RAPGEF5: variants seen among roughly 807,000 people sequenced by gnomAD.
RAPGEF5 encodes Rap guanine nucleotide exchange factor 5.
A neutral mutation model predicts 125.2 loss-of-function variants in RAPGEF5; 65 were observed. That is an observed-to-expected ratio of 0.52 (90% CI 0.43 to 0.64). RAPGEF5 has a LOEUF of 0.64. Among genes scored for constraint, RAPGEF5 ranks in the 30% least tolerant of loss-of-function variants. RAPGEF5 has a pLI of 0.00. For missense variants in RAPGEF5, 958 were observed against 1,048.1 expected (o/e 0.91, Z 1.19); for synonymous variants, 391 against 385.9 (o/e 1.01, Z -0.16).
intron 9 of RAPGEF5, among the ~76,000 whole-genome samples, chr7:22,200,636 T>C (rs1410273835): frequency 3.3e-5 from 5 of 152,178 alleles, no homozygotes; most frequent in South Asian, 2.1e-4. Context: ...AATAAACATA[T>C]ATTTATTACG....
At chr7:22,237,103 C>T (rs889448690) in intron 7 of RAPGEF5, among the ~76,000 whole-genome samples, 1 of 152,208 alleles carries the variant, frequency 6.6e-6, no homozygotes, top group African/African-American at 2.4e-5. Flanking sequence ...GCTCCCCAGC[C>T]CAAACACCAG....
chr7:22,303,832 C>A (rs533088271), intron 5 of RAPGEF5, among the ~76,000 whole-genome samples: 2 of 152,290 alleles, frequency 1.3e-5, no homozygotes, highest in South Asian at 4.1e-4. Flanking sequence ...GGACTGGAGA[C>A]ATCATGGAAG....
chr7:22,176,093 T>A (rs1784498203), intron 11 of RAPGEF5, among the ~76,000 whole-genome samples: 1 of 152,076 alleles, frequency 6.6e-6, no homozygotes, highest in Non-Finnish European at 1.5e-5. Flanking sequence ...CAGTAGGGGA[T>A]GAAAGAGCAA....
intron 7 of RAPGEF5, among the ~76,000 whole-genome samples, chr7:22,247,216 T>TA (rs1489007583): frequency 6.6e-6 from 1 of 152,220 alleles, no homozygotes; most frequent in African/African-American, 2.4e-5. Flanking sequence ...GACCCAGCAA[T>TA]CCCATTACTG....
intron 11 of RAPGEF5, among the ~76,000 whole-genome samples, chr7:22,169,788 C>T (rs550180093): frequency 4.0e-5 from 5 of 124,960 alleles, no homozygotes; most frequent in Admixed American, 1.0e-4. Flanking sequence ...TGAACTCAGG[C>T]GGTGGAAGTT....
intron 11 of RAPGEF5, among the ~76,000 whole-genome samples, chr7:22,169,211 G>C (rs1051003956): frequency 6.6e-6 from 1 of 152,088 alleles, no homozygotes; most frequent in African/African-American, 2.4e-5. Context: ...AGAGCCAGGG[G>C]CCCCCTACTA....
chr7:22,138,006 T>TATAC (rs1783130185), intron 21 of RAPGEF5, among the ~76,000 whole-genome samples: 3 of 148,446 alleles, frequency 2.0e-5, no homozygotes, highest in African/African-American at 7.5e-5. Flanking sequence ...GTTTGGAAAC[T>TATAC]ACACACACAC....
At chr7:22,304,953 A>C (rs1190097979) in intron 5 of RAPGEF5, among the ~76,000 whole-genome samples, 1 of 152,214 alleles carries the variant, frequency 6.6e-6, no homozygotes, top group Non-Finnish European at 1.5e-5. Context: ...AGTGATGGGA[A>C]ATCCATAATC....
intron 11 of RAPGEF5, among the ~76,000 whole-genome samples, chr7:22,170,449 G>T (rs1235813921): frequency 2.6e-5 from 4 of 152,216 alleles, no homozygotes; most frequent in Admixed American, 6.5e-5. Flanking sequence ...AGCACTGAGA[G>T]GGAGTTGGCA....
chr7:22,249,843 G>A (rs891155236), intron 7 of RAPGEF5, among the ~76,000 whole-genome samples: 3 of 152,092 alleles, frequency 2.0e-5, no homozygotes, highest in East Asian at 1.9e-4. Context: ...GAGGGCTAAC[G>A]GCTGGTTAAA....
chr7:22,309,943 C>T (rs373205996), intron 4 of RAPGEF5, 26 bp downstream of exon 4: 2 of 1,545,104 alleles, frequency 1.3e-6, no homozygotes, highest in South Asian at 1.3e-5. Flanking sequence ...AATAATGATG[C>T]TGTGCCTTCA....
At chr7:22,350,970 C>T (rs1784319166) in intron 1 of RAPGEF5, among the ~76,000 whole-genome samples, 1 of 152,202 alleles carries the variant, frequency 6.6e-6, no homozygotes, top group African/African-American at 2.4e-5. Flanking sequence ...CTGACTCACC[C>T]TTCCTGGCAG....
intron 5 of RAPGEF5, among the ~76,000 whole-genome samples, chr7:22,304,885 G>C (rs994853777): frequency 6.6e-6 from 1 of 152,210 alleles, no homozygotes; most frequent in South Asian, 2.1e-4. Flanking sequence ...CCTAGAGTGA[G>C]ACCAATTGAA....
intron 11 of RAPGEF5, among the ~76,000 whole-genome samples, chr7:22,181,917 CCA>C (rs1784686116): frequency 6.6e-6 from 1 of 152,094 alleles, no homozygotes; most frequent in Non-Finnish European, 1.5e-5. Flanking sequence ...AAACATTCTC[CCA>C]CACAAAGAAT....
At position 22,159,640 on chromosome 7, in the gene RAPGEF5, A is replaced by C. The variant is rs374441864; in HGVS notation, c.1526+878T>G. ...ATGTTTTCTTTTACCAAAATTAGTA[A>C]GGGGACTTAATGGTAATATCGCTAA... On this transcript the variant is annotated intron_variant, in intron 14 of 25. Coordinates refer to ENST00000665637, the MANE Select transcript of RAPGEF5 (RefSeq NM_012294.5). Among the ~76,000 whole-genome samples the C allele has an allele frequency of 9.2e-5, 14 of 152,324 alleles. No individual in the cohort carries two copies. The East Asian group carries it at 9.6e-4, about 10-fold the overall frequency.
At chr7:22,237,573 C>T (rs1786225623) in intron 7 of RAPGEF5, among the ~76,000 whole-genome samples, 1 of 152,010 alleles carries the variant, frequency 6.6e-6, no homozygotes, top group African/African-American at 2.4e-5. Flanking sequence ...TTCCTTTCCC[C>T]TCCCTAGTTT....
intron 11 of RAPGEF5, among the ~76,000 whole-genome samples, chr7:22,176,326 C>T (rs1784507548): frequency 6.6e-6 from 1 of 152,096 alleles, no homozygotes; most frequent in Non-Finnish European, 1.5e-5. Context: ...AGGACACAGC[C>T]AAACCATATC....
chr7:22,163,080 ATG>A (rs1370652831), intron 12 of RAPGEF5: 1 of 410,534 alleles, frequency 2.4e-6, no homozygotes, highest in African/African-American at 2.1e-5. Context: ...CATTGGATAC[ATG>A]TGTGAACACA....
chr7:22,248,692 C>G (rs527395943), intron 7 of RAPGEF5, among the ~76,000 whole-genome samples: 1 of 152,164 alleles, frequency 6.6e-6, no homozygotes, highest in Non-Finnish European at 1.5e-5. Context: ...GTGATAAACG[C>G]GTGTCTGCTC....
Sources: allele counts gnomAD v4.1 joint callset (sites outside exome capture counted in the v4.1 genomes callset), GRCh38; gene constraint gnomAD v4.1.1; transcripts MANE v1.5; gene names NCBI Gene and HGNC (gene_info 2026-07-23, HGNC 2026-07-21).